The following POTEE variants were observed in gnomAD, a reference collection of about 807,000 sequenced individuals.
POTEE encodes ANKRD26-like family C member 1A.
In POTEE, 21 loss-of-function variants were observed where a neutral mutation model predicts 74.2. The ratio of observed to expected loss-of-function variants is 0.28; its 90% CI spans 0.20 to 0.41. The LOEUF is 0.41. POTEE is among the 10% of genes least tolerant of loss of function. POTEE has a pLI of 1.00. For synonymous variants in POTEE, 211 were observed against 432.8 expected (o/e 0.49, Z 6.36); for missense variants, 525 against 1,158.6 (o/e 0.45, Z 7.94).
rs865819493 is a variant in POTEE, at chr2:131,226,096, C to A, written c.811-727C>A. 9.2e-5 allele frequency among the ~76,000 whole-genome samples: 14 copies of A among 151,844 alleles called. No homozygotes were observed. The South Asian group carries it at 2.7e-3, about 29-fold the overall frequency. On this transcript the variant is annotated intron_variant, in intron 6 of 17. Coordinates refer to ENST00000683005, the MANE Select transcript of POTEE (RefSeq NM_001083538.3). ...TAGAATTGTAGCAAATTCTAAACCA[C>A]TTTTTGTCAATTGACGCTGTATTAT...
intron 16 of POTEE, among the ~76,000 whole-genome samples, chr2:131,258,494 G>A (rs1162619456): frequency 2.1e-4 from 31 of 144,476 alleles, no homozygotes; most frequent in Non-Finnish European, 3.7e-4. Context: ...GTATGTATGT[G>A]ATAGTCATAT....
chr2:131,224,872 C>T (rs1024217254), intron 6 of POTEE, among the ~76,000 whole-genome samples: 65 of 152,056 alleles, frequency 4.3e-4, no homozygotes, highest in African/African-American at 1.4e-3. Flanking sequence ...TAGAAATGGC[C>T]AATTAGAGTC....
At position 131,230,890 on chromosome 2, in the gene POTEE, T is replaced by C; in HGVS notation, c.1110T>C (p.Ser370=). The C allele has an allele frequency of 6.4e-7, 1 of 1,553,312 alleles. No individual in the cohort carries two copies. Among genetic ancestry groups the C allele is most frequent in the Non-Finnish European group, 8.7e-7 (1 of 1,145,882 alleles). Residue 370 remains serine (S), a synonymous_variant, in exon 9 of 18, where the codon TCT becomes TCC. Coordinates refer to ENST00000683005, the MANE Select transcript of POTEE (RefSeq NM_001083538.3). The part of the protein sequence containing the change: ...YKEKQMLKIS[S]ENSNPEQELK... The stretch of plus-strand genomic sequence containing the variant: ...AAAAACAGATGCTAAAAATCTCTTC[T>C]GAAAACAGCAATCCAGGTAAGACTT...
intron 9 of POTEE, among the ~76,000 whole-genome samples, chr2:131,235,792 CAAAA>C (rs1203876832): frequency 0.014 from 1,119 of 78,948 alleles, 8 homozygotes; most frequent in African/African-American, 0.06. Context: ...GACCCTGGCT[CAAAA>C]AAAAAAAAAA....
chr2:131,216,948 TG>T (rs1700455413), intron 2 of POTEE, among the ~76,000 whole-genome samples: 1 of 152,212 alleles, frequency 6.6e-6, no homozygotes, highest in South Asian at 2.1e-4. Flanking sequence ...AGGGAAAGAT[TG>T]CTAATGGGTG....
rs563090639 is a variant in POTEE at position 131,231,721 on chromosome 2, G to A, written c.1126+815G>A. Among the ~76,000 whole-genome samples, 479 of 152,106 alleles carry A rather than the reference G, an allele frequency of 3.1e-3. 1 individual carries two copies. The highest frequency in any genetic ancestry group is 4.7e-3 in the Non-Finnish European group (323 of 68,002). The stretch of plus-strand genomic sequence containing the variant: ...GATGCTCTGCTACCATTTGCCAAAA[G>A]ATTGTCATAATAAATATACAAATTG... On this transcript the variant is annotated intron_variant, in intron 9 of 17. Transcript: ENST00000683005.
chr2:131,243,837 C>T (rs1701304100), intron 12 of POTEE, among the ~76,000 whole-genome samples: 2 of 122,696 alleles, frequency 1.6e-5, no homozygotes, highest in East Asian at 4.7e-4. Context: ...CACTGCACTC[C>T]AGCCTGGGTG....
At chr2:131,228,504 G>C in intron 8 of POTEE, 123 bp downstream of exon 8, 1 of 1,543,150 alleles carries the variant, frequency 6.5e-7, no homozygotes, top group Non-Finnish European at 8.7e-7. Flanking sequence ...GCGTGGCAGT[G>C]AGTTAGTCCC....
chr2:131,232,559 C>A (rs1219470362), intron 9 of POTEE, among the ~76,000 whole-genome samples: 2 of 145,592 alleles, frequency 1.4e-5, no homozygotes, highest in Non-Finnish European at 3.0e-5. Flanking sequence ...GAGGTGAATA[C>A]TTAGCTAAGG....
intron 4 of POTEE, among the ~76,000 whole-genome samples, chr2:131,220,579 C>A (rs1700587395): frequency 6.6e-6 from 1 of 151,948 alleles, no homozygotes; most frequent in South Asian, 2.1e-4. Context: ...TACCAGTGAC[C>A]TATGCACATA....
chr2:131,256,898 AG>A (rs1216380559), intron 16 of POTEE, among the ~76,000 whole-genome samples: 2 of 152,312 alleles, frequency 1.3e-5, no homozygotes, highest in African/African-American at 2.4e-5. Context: ...GGAACATACC[AG>A]GGATGCTCTC....
chr2:131,217,884 C>A, intron 3 of POTEE, among the ~76,000 whole-genome samples: 1 of 148,462 alleles, frequency 6.7e-6, no homozygotes, highest in East Asian at 2.0e-4. Flanking sequence ...TGCACGCGCA[C>A]GCCGCACGCG....
chr2:131,211,875 T>C (rs1700368254), intron 2 of POTEE, among the ~76,000 whole-genome samples: 1 of 150,052 alleles, frequency 6.7e-6, no homozygotes, highest in African/African-American at 2.4e-5. Context: ...TTCTTTTTTG[T>C]TGTGATGGTC....
Position 131,226,814 on chromosome 2 carries a change from G to C in POTEE, c.811-9G>C. The C allele has an allele frequency of 6.2e-7, 1 of 1,611,542 alleles. No homozygotes were observed. The highest frequency in any genetic ancestry group is 2.2e-5 in the East Asian group (1 of 44,866). On this transcript the variant is annotated splice_polypyrimidine_tract_variant and intron_variant, in intron 6 of 17. Transcript: ENST00000683005. ...ATTACATAGGTTTTTGCTTTATATT[G>C]TTTTACAGCATGGCCTCACACCACT...
rs1434651163 is a variant in POTEE, at chr2:131,209,601, C to A, written c.-563C>A. On this transcript the variant is annotated 5_prime_UTR_variant, in exon 1 of 18. Transcript: ENST00000683005. Reference sequence around the variant, plus strand: ...GCTGCTACCTGTTTCTGGCTGGAGCCTCGGACACTGGCTCACTGCAGTTGG... The same window carrying A: ...GCTGCTACCTGTTTCTGGCTGGAGCATCGGACACTGGCTCACTGCAGTTGG... Among the ~76,000 whole-genome samples, 1 of 152,202 alleles carries A rather than the reference C, an allele frequency of 6.6e-6. No homozygotes were observed. Among genetic ancestry groups the A allele is most frequent in the African/African-American group, 2.4e-5 (1 of 41,444 alleles).
chr2:131,212,062 C>T (rs572928107), intron 2 of POTEE, among the ~76,000 whole-genome samples: 3 of 151,064 alleles, frequency 2.0e-5, no homozygotes, highest in African/African-American at 4.9e-5. Flanking sequence ...CTTGTTTCTC[C>T]TCCTCTTTTT....
chr2:131,218,535 A>G lies in POTEE; in HGVS notation c.133A>G (p.Thr45Ala), dbSNP rs753110132. The G allele has an allele frequency of 6.9e-6, 11 of 1,604,768 alleles. No homozygotes were observed. The African/African-American group carries it at 7.0e-5, about 10-fold the overall frequency. Reference sequence around the variant, plus strand: ...GGAGAGCGGCAAGAGCAACGTGGGCACTTCTGGAGACCACGACGACTCTGC... The same window carrying G: ...GGAGAGCGGCAAGAGCAACGTGGGCGCTTCTGGAGACCACGACGACTCTGC... Reference protein sequence around the residue: ...YRESGKSNVGTSGDHDDSAMK... With the variant: ...YRESGKSNVGASGDHDDSAMK... Residue 45 changes from threonine (T) to alanine (A), a missense_variant, in exon 4 of 18, where the codon ACT (threonine) becomes GCT (alanine). Transcript: ENST00000683005.
At position 131,265,006 on chromosome 2, in the gene POTEE, A is replaced by C. The variant is rs1307475897; in HGVS notation, c.*323A>C. The C allele has an allele frequency of 2.0e-6, 1 of 510,508 alleles. No homozygotes were observed. Among genetic ancestry groups the C allele is most frequent in the East Asian group, 3.7e-5 (1 of 27,016 alleles). The allele number at this position is 510,508 out of a possible 1,614,324, so 31.6% of individuals were successfully genotyped here. On this transcript the variant is annotated 3_prime_UTR_variant, in exon 18 of 18. Coordinates refer to ENST00000683005, the MANE Select transcript of POTEE (RefSeq NM_001083538.3). ...AAAGCCATCCCACTTCTCTCTAAGG[A>C]GAATGGCCCAGTCCTCTCCCTAGTT...
intron 10 of POTEE, among the ~76,000 whole-genome samples, chr2:131,237,905 A>C (rs865819917): frequency 9.1e-4 from 138 of 152,166 alleles, no homozygotes; most frequent in Middle Eastern, 3.4e-3. Flanking sequence ...TGACCAAATT[A>C]AGTTTGCTGG....
Sources: allele counts gnomAD v4.1 joint callset (sites outside exome capture counted in the v4.1 genomes callset), GRCh38; gene constraint gnomAD v4.1.1; transcripts MANE v1.5; gene names NCBI Gene and HGNC (gene_info 2026-07-23, HGNC 2026-07-21).